Variants in EPS8L1 observed in about 807,000 individuals in gnomAD.
EPS8L1 encodes EPS8 signaling adaptor L1.
Under a neutral mutation model 91.7 loss-of-function variants are expected in EPS8L1, and 101 were observed. That is an observed-to-expected ratio of 1.10 (90% CI 0.94 to 1.30). The LOEUF is 1.30. Among genes scored for constraint, EPS8L1 ranks in the 50% most tolerant of loss-of-function variants. The pLI, the probability that EPS8L1 is intolerant of heterozygous loss-of-function variation, is 0.00. For missense variants in EPS8L1, 1,114 were observed against 1,017.0 expected, an observed-to-expected ratio of 1.10 and a Z score of -1.30; for synonymous variants, 506 against 445.3, an observed-to-expected ratio of 1.14 and a Z score of -1.72.
At chr19:55,077,258 T>C (rs895724578) in intron 2 of EPS8L1, among the ~76,000 whole-genome samples, 9 of 152,178 alleles carry the variant, frequency 5.9e-5, no homozygotes, top group Admixed American at 1.3e-4. Context: ...ATTCCCTGTC[T>C]ACTTCAGATA....
chr19:55,079,292 G>T (rs1458122486), intron 4 of EPS8L1, among the ~76,000 whole-genome samples: 1 of 152,140 alleles, frequency 6.6e-6, no homozygotes, highest in African/African-American at 2.4e-5. Context: ...CTGGACAGTG[G>T]GACCACGGAG....
Position 55,082,615 on chromosome 19 carries a change from G to T in EPS8L1, c.1214+13G>T. The stretch of plus-strand genomic sequence containing the variant: ...GGACCCGCCCCGGGTGAGGGGCGGG[G>T]CTGGGAGGCAGGGGGCATGGTGATT... On this transcript the variant is annotated intron_variant, in intron 12 of 19. Transcript: ENST00000201647. 6.4e-7 allele frequency: 1 copy of T among 1,551,432 alleles called. No individual in the cohort carries two copies. The highest frequency in any genetic ancestry group is 8.7e-7 in the Non-Finnish European group (1 of 1,148,486).
Position 55,079,256 on chromosome 19 carries a change from GC to G in EPS8L1, c.117+201del, listed in dbSNP as rs533032802. 1.2e-4 allele frequency among the ~76,000 whole-genome samples: 18 copies of G among 152,254 alleles called. No homozygotes were observed. In the South Asian group the frequency reaches 3.3e-3, roughly 28 times the overall value. ...GGCCTCGGGTCCACTTAATCTGCCA[GC>G]CTTTCCTCCAGGCCAGCTGTTGTGC... is the stretch of plus-strand genomic sequence containing the variant. On this transcript the variant is annotated intron_variant, in intron 4 of 19. Coordinates refer to ENST00000201647, the MANE Select transcript of EPS8L1 (RefSeq NM_133180.3).
intron 12 of EPS8L1, 105 bp downstream of exon 12, chr19:55,082,707 A>AG (rs1284256297): frequency 2.2e-5 from 25 of 1,112,516 alleles, no homozygotes; most frequent in Middle Eastern, 6.0e-4. Context: ...GAGAGTAGGG[A>AG]GGGGTTAGAG....
intron 4 of EPS8L1, 83 bp from the exon 5 acceptor site, chr19:55,079,607 C>A: frequency 6.6e-7 from 1 of 1,510,672 alleles, no homozygotes; most frequent in Non-Finnish European, 8.9e-7. Flanking sequence ...TAGTCTCAGG[C>A]TGAAAGTCTG....
At chr19:55,082,721 T>A in intron 12 of EPS8L1, 119 bp downstream of exon 12, 1 of 932,204 alleles carries the variant, frequency 1.1e-6, no homozygotes, top group Middle Eastern at 3.4e-4. Context: ...GTTAGAGGCG[T>A]GGCTTAGTTG....
chr19:55,085,969 T>G lies in EPS8L1; in HGVS notation c.1514T>G (p.Leu505Arg). 1.2e-6 allele frequency: 2 copies of G among 1,612,714 alleles called. No individual in the cohort carries two copies. Among genetic ancestry groups the G allele is most frequent in the Admixed American group, 3.3e-5 (2 of 59,990 alleles). ...SELSVKQRDV[L>R]EVLDDSRKWW... is the part of the protein sequence containing the mutation. ...CTGTCGGTCAAGCAGCGGGACGTAC[T>G]GGAGGTTAGAGGAGCGGGAGGCTGA... The change falls in exon 15 of 20, where the codon CTG (leucine) becomes CGG (arginine). Residue 505 changes from leucine to arginine, a missense_variant. Leu to Arg is a moderately radical substitution (Grantham distance 102, BLOSUM62 -2). Transcript: ENST00000201647.
chr19:55,079,718 A>G lies in EPS8L1; in HGVS notation c.146A>G (p.Asp49Gly). 1 of 1,614,118 alleles carries G rather than the reference A, an allele frequency of 6.2e-7. No individual in the cohort carries two copies. The highest frequency in any genetic ancestry group is 8.5e-7 in the Non-Finnish European group (1 of 1,180,000). The change falls in exon 5 of 20, where the codon GAC (aspartate) becomes GGC (glycine). Residue 49 changes from aspartate (D) to glycine (G), a missense_variant. Transcript: ENST00000201647. ...NHLVTFCLGE[D>G]DGVHTVEDAS... ...CTGGTGACGTTCTGCCTGGGTGAGG[A>G]CGATGGCGTGCATACCGTGGAGGAT...
At position 55,086,533 on chromosome 19, in the gene EPS8L1, C is replaced by G; in HGVS notation, c.1777+15C>G. The G allele has an allele frequency of 1.3e-6, 2 of 1,550,328 alleles. No individual in the cohort carries two copies. The highest frequency in any genetic ancestry group is 8.7e-7 in the Non-Finnish European group (1 of 1,146,428). ...CAGCGAGAAGGGTGAGTGGTGGGGACGCCGGCTGCGGGGAGCGGTCCTTAT... is the reference window on the plus strand; with the variant it reads ...CAGCGAGAAGGGTGAGTGGTGGGGAGGCCGGCTGCGGGGAGCGGTCCTTAT... On this transcript the variant is annotated intron_variant, in intron 17 of 19. Transcript: ENST00000201647.
In EPS8L1 at chr19:55,086,816, A is replaced by C; in HGVS notation, c.1880A>C (p.Glu627Ala). 6.3e-7 allele frequency: 1 copy of C among 1,583,052 alleles called. No individual in the cohort carries two copies. The highest frequency in any genetic ancestry group is 8.6e-7 in the Non-Finnish European group (1 of 1,165,634). ...SRAVPGPRAPEPQLSPGSDAS... is the reference protein window; with the variant it reads ...SRAVPGPRAPAPQLSPGSDAS... Reference sequence around the variant, plus strand: ...GCAGTCCCAGGGCCCCGCGCCCCGGAACCGCAGCTCAGCCCGGGCTCGGAC... The same window carrying C: ...GCAGTCCCAGGGCCCCGCGCCCCGGCACCGCAGCTCAGCCCGGGCTCGGAC... The change falls in exon 18 of 20, where the codon GAA becomes GCA. Residue 627 changes from glutamate to alanine, a missense_variant. Glu to Ala is a moderately radical substitution (Grantham distance 107). Transcript: ENST00000201647.
intron 18 of EPS8L1, 128 bp from the exon 19 acceptor site, chr19:55,087,175 G>C: frequency 7.2e-7 from 1 of 1,390,570 alleles, no homozygotes; most frequent in Non-Finnish European, 9.5e-7. Context: ...TTCAGGAGGT[G>C]TCGGGCCTGC....
intron 15 of EPS8L1, 35 bp downstream of exon 15, chr19:55,086,008 G>C (rs982024038): frequency 2.5e-6 from 4 of 1,602,726 alleles, no homozygotes; most frequent in Non-Finnish European, 3.4e-6. Flanking sequence ...GCAGGAATTA[G>C]CCAGCCCTAG....
intron 12 of EPS8L1, among the ~76,000 whole-genome samples, chr19:55,082,918 G>C (rs2076301710): frequency 6.6e-6 from 1 of 152,148 alleles, no homozygotes; most frequent in South Asian, 2.1e-4. Context: ...CTTCTGGAAG[G>C]TTTGGTCTAT....
intron 12 of EPS8L1, among the ~76,000 whole-genome samples, chr19:55,082,927 A>G (rs1036843143): frequency 1.3e-5 from 2 of 152,106 alleles, no homozygotes; most frequent in Non-Finnish European, 2.9e-5. Context: ...GGTTTGGTCT[A>G]TAACTTTGGT....
At chr19:55,086,989 C>G (rs2076359903) in intron 18 of EPS8L1, 101 bp downstream of exon 18, 1 of 1,370,762 alleles carries the variant, frequency 7.3e-7, no homozygotes, top group East Asian at 2.8e-5. Context: ...GTGGAGACCA[C>G]AGGGAGCCGG....
In EPS8L1 at chr19:55,087,283, C is replaced by T. The variant is rs779858449; in HGVS notation, c.1953-20C>T. On this transcript the variant is annotated intron_variant, in intron 18 of 19. Coordinates refer to ENST00000201647, the MANE Select transcript of EPS8L1 (RefSeq NM_133180.3). ...GCATCCGCCGACCGGCCTGACCGCG[C>T]CCGGGCTGCCCTCGCTCAGGACCGT... The T allele has an allele frequency of 3.2e-6, 5 of 1,585,280 alleles. No individual in the cohort carries two copies. The Admixed American group carries it at 8.8e-5, about 28-fold the overall frequency.
At chr19:55,086,922 GATAC>G in intron 18 of EPS8L1, 34 bp downstream of exon 18, 1 of 1,408,532 alleles carries the variant, frequency 7.1e-7, no homozygotes, top group South Asian at 1.6e-5. Flanking sequence ...GGCGCGGGTT[GATAC>G]GGACGCTGGG....
rs757270658 is a variant in EPS8L1 at position 55,083,623 on chromosome 19, C to T, written c.1364C>T (p.Ala455Val). 1.3e-6 allele frequency: 2 copies of T among 1,595,436 alleles called. No homozygotes were observed. Among genetic ancestry groups the T allele is most frequent in the Non-Finnish European group, 1.7e-6 (2 of 1,171,602 alleles). The change falls in exon 14 of 20, where the codon GCC becomes GTC. Residue 455 changes from alanine (A) to valine (V), a missense_variant. Coordinates refer to ENST00000201647, the MANE Select transcript of EPS8L1 (RefSeq NM_133180.3). The surrounding 1 kb of genome is among the most constrained non-coding windows in gnomAD (Gnocchi z 4.7). The part of the protein sequence containing the change: ...QHERRRRQQS[A>V]PQVAVNGHRD... ...CTGTCTTACTTCCTACAGCAAAGCG[C>T]CCCCCAGGTCGCTGTCAATGGGTGA...
At position 55,082,198 on chromosome 19, in the gene EPS8L1, C is replaced by A; in HGVS notation, c.990+18C>A. 1.3e-6 allele frequency: 2 copies of A among 1,591,754 alleles called. No homozygotes were observed. The highest frequency in any genetic ancestry group is 2.3e-5 in the East Asian group (1 of 43,838). On this transcript the variant is annotated intron_variant, in intron 10 of 19. Coordinates refer to ENST00000201647, the MANE Select transcript of EPS8L1 (RefSeq NM_133180.3). ...GCCTGCTGGTGAGGACGCGCCCGCC[C>A]CTGGGCCGGGGCGCGGGCACGACGA...
Sources: allele counts gnomAD v4.1 joint callset (sites outside exome capture counted in the v4.1 genomes callset), GRCh38; gene constraint gnomAD v4.1.1; non-coding constraint Gnocchi (gnomAD v3.1); transcripts MANE v1.5; gene names NCBI Gene and HGNC (gene_info 2026-07-23, HGNC 2026-07-21).